The following KMT5A variants were observed in gnomAD, a reference collection of about 807,000 sequenced individuals.
The protein encoded by KMT5A is N-lysine methyltransferase KMT5A.
KMT5A carries 6 observed loss-of-function variants against 40.6 expected under a neutral mutation model. The observed-to-expected ratio is 0.15, with a 90% CI of 0.08 to 0.29. KMT5A has a LOEUF of 0.29. Among genes scored for constraint, KMT5A ranks in the 10% least tolerant of loss-of-function variants. The pLI is 1.00. For missense variants in KMT5A, 308 were observed against 459.1 expected (o/e 0.67, Z 3.01); for synonymous variants, 153 against 178.8 (o/e 0.86, Z 1.15).
intron 6 of KMT5A, 70 bp from the exon 7 acceptor site, chr12:123,404,814 C>G: frequency 6.7e-7 from 1 of 1,487,604 alleles, no homozygotes; most frequent in East Asian, 2.3e-5. Context: ...CCCCAGCTCC[C>G]CGGAGACCTG....
rs1433274273 is a variant in KMT5A at position 123,409,276 on chromosome 12, A to T, written c.*1573A>T. 1 of 152,626 alleles carries T rather than the reference A, an allele frequency of 6.6e-6. No individual in the cohort carries two copies. The highest frequency in any genetic ancestry group is 1.9e-4 in the East Asian group (1 of 5,200). 9.5% of individuals were successfully genotyped at this position (152,626 alleles called of 1,614,324 possible). ...ATACCTGTTTGTGGTTTAGCTTTGT[A>T]TTTAAACAAGGAAATAAACTTGAAA... On this transcript the variant is annotated 3_prime_UTR_variant, in exon 8 of 8. Transcript: ENST00000402868.
Position 123,402,264 on chromosome 12 carries a change from A to G in KMT5A, c.598-1309A>G, listed in dbSNP as rs1878236568. 2.6e-5 allele frequency among the ~76,000 whole-genome samples: 4 copies of G among 152,344 alleles called. No individual in the cohort carries two copies. The South Asian group carries it at 8.3e-4, about 32-fold the overall frequency. ...GGGTCAGAGTGAAAGCCTGGTGACT[A>G]GCAAGGGGGCCGGAGCGGGGCCGGG... On this transcript the variant is annotated intron_variant, in intron 5 of 7. Transcript: ENST00000402868.
In KMT5A at chr12:123,384,317, G is replaced by C; in HGVS notation, c.10+109G>C. 2 of 1,491,770 alleles carry C rather than the reference G, an allele frequency of 1.3e-6. No homozygotes were observed. The highest frequency in any genetic ancestry group is 1.2e-5 in the South Asian group (1 of 84,722). 92.4% of individuals were successfully genotyped at this position (1,491,770 alleles called of 1,614,324 possible). A position where few individuals can be genotyped will look rare whatever the true frequency, so the allele number is the denominator to read the frequency against. ...GGGAGGCGTCCTCCTCGGGTGGCTC[G>C]GGGCAAGCTTGGGGACCCGCGTGGG... On this transcript the variant is annotated intron_variant, in intron 1 of 7. Coordinates refer to ENST00000402868, the MANE Select transcript of KMT5A (RefSeq NM_020382.7). This position sits in a 1 kb window ranked among gnomAD's most constrained non-coding sequence, Gnocchi z 5.7.
chr12:123,399,530 C>A (rs1474140793), intron 5 of KMT5A, among the ~76,000 whole-genome samples: 2 of 152,190 alleles, frequency 1.3e-5, no homozygotes, highest in Non-Finnish European at 2.9e-5. Flanking sequence ...TTTACATGGG[C>A]CCCCGTACTT....
intron 5 of KMT5A, among the ~76,000 whole-genome samples, chr12:123,400,031 C>T (rs1878026950): frequency 6.6e-6 from 1 of 152,082 alleles, no homozygotes; most frequent in Admixed American, 6.6e-5. Context: ...CTGCGTTGGC[C>T]AGGCTGGTCT....
chr12:123,389,991 C>G (rs1340930685), intron 2 of KMT5A: 4 of 457,104 alleles, frequency 8.8e-6, no homozygotes, highest in Non-Finnish European at 1.3e-5. Context: ...CCCACCGCCC[C>G]GTCCACTCTC....
intron 7 of KMT5A, among the ~76,000 whole-genome samples, chr12:123,406,256 G>A (rs1304162412): frequency 3.3e-5 from 5 of 152,226 alleles, no homozygotes; most frequent in African/African-American, 1.2e-4. Context: ...AGCAGCTCTG[G>A]AAATCACTAA....
chr12:123,390,219 G>A (rs1299225056), intron 2 of KMT5A: 5 of 447,554 alleles, frequency 1.1e-5, no homozygotes, highest in African/African-American at 4.0e-5. Context: ...AGCACCAAGT[G>A]GTTAATCAGG....
At chr12:123,395,327 G>C in intron 4 of KMT5A, 61 bp downstream of exon 4, 1 of 1,546,128 alleles carries the variant, frequency 6.5e-7, no homozygotes, top group Non-Finnish European at 8.8e-7. Flanking sequence ...TGATGCCAGG[G>C]AAGCCTGCTC....
intron 5 of KMT5A, among the ~76,000 whole-genome samples, chr12:123,398,081 G>T (rs905940527): frequency 6.6e-6 from 1 of 151,028 alleles, no homozygotes; most frequent in Admixed American, 6.6e-5. Flanking sequence ...TCAGGAGTTC[G>T]AGACCAGCCT....
At chr12:123,404,309 A>G (rs957094151) in intron 6 of KMT5A, among the ~76,000 whole-genome samples, 7 of 151,894 alleles carry the variant, frequency 4.6e-5, no homozygotes, top group African/African-American at 9.7e-5. Flanking sequence ...TTCCACTTCC[A>G]CCCACCACCT....
Position 123,408,091 on chromosome 12 carries a change from A to G in KMT5A, c.*388A>G. 1 of 201,952 alleles carries G rather than the reference A, an allele frequency of 5.0e-6. No homozygotes were observed. The highest frequency in any genetic ancestry group is 7.9e-5 in the South Asian group (1 of 12,630). 12.5% of individuals were successfully genotyped at this position (201,952 alleles called of 1,614,324 possible). On this transcript the variant is annotated 3_prime_UTR_variant, in exon 8 of 8. Coordinates refer to ENST00000402868, the MANE Select transcript of KMT5A (RefSeq NM_020382.7). ...GGAAGAGCCGGGACCTTCCCCCTGC[A>G]CCCCCGACATCCAGGGACGGGGTGT...
chr12:123,398,573 A>C (rs1205343679), intron 5 of KMT5A, among the ~76,000 whole-genome samples: 1 of 152,250 alleles, frequency 6.6e-6, no homozygotes, highest in Non-Finnish European at 1.5e-5. Flanking sequence ...CCTAAAGCAC[A>C]GTCTGCAAAC....
In KMT5A at chr12:123,404,886, T is replaced by G. The variant is rs61955122; in HGVS notation, c.660T>G (p.Ile220Met). The part of the protein sequence containing the change: ...IESGKEEGMK[I>M]DLIDGKGRGV... ...CACCCTCTCTTATCACCTGACAGAT[T>G]GACCTCATCGATGGCAAAGGCAGGG... The change falls in exon 7 of 8, where the codon ATT becomes ATG. Residue 220 changes from isoleucine (I) to methionine (M), a missense_variant and splice_region_variant. Physicochemically the swap from Ile to Met is conservative, Grantham distance 10. Transcript: ENST00000402868. 1 of 1,611,738 alleles carries G rather than the reference T, an allele frequency of 6.2e-7. No individual in the cohort carries two copies. Among genetic ancestry groups the G allele is most frequent in the Non-Finnish European group, 8.5e-7 (1 of 1,179,354 alleles).
chr12:123,393,740 C>A (rs1023084081), intron 3 of KMT5A, among the ~76,000 whole-genome samples: 1 of 152,128 alleles, frequency 6.6e-6, no homozygotes, highest in African/African-American at 2.4e-5. Context: ...TGGGGTTTTA[C>A]CATCTTGGCC....
chr12:123,391,339 C>T (rs1018766899), intron 3 of KMT5A: 2 of 153,524 alleles, frequency 1.3e-5, no homozygotes, highest in African/African-American at 2.4e-5. Context: ...GGATTACAAG[C>T]GGCCGCCACC....
At chr12:123,389,949 C>A (rs1877165070) in intron 2 of KMT5A, 1 of 416,394 alleles carries the variant, frequency 2.4e-6, no homozygotes, top group Non-Finnish European at 4.8e-6. Context: ...AGGGGCCCCA[C>A]GCCCAGAGGC....
chr12:123,400,575 G>A (rs1878081225), intron 5 of KMT5A, among the ~76,000 whole-genome samples: 3 of 151,350 alleles, frequency 2.0e-5, no homozygotes, highest in Admixed American at 2.0e-4. Flanking sequence ...TGGTCAGGCT[G>A]GCCTCAAACT....
intron 5 of KMT5A, among the ~76,000 whole-genome samples, chr12:123,399,084 G>T (rs1234333809): frequency 6.6e-6 from 1 of 152,234 alleles, no homozygotes; most frequent in African/African-American, 2.4e-5. Flanking sequence ...CCCTTGGCCG[G>T]CCAGCCTGGC....
Sources: gnomAD v4.1 joint callset for allele counts (sites outside exome capture counted in the v4.1 genomes callset) on GRCh38, gnomAD v4.1.1 for gene constraint, Gnocchi (gnomAD v3.1) non-coding constraint, MANE v1.5 for transcripts, NCBI Gene and HGNC (gene_info 2026-07-23, HGNC 2026-07-21) for gene names.